The following FSHR variants were observed in gnomAD, a reference collection of about 807,000 sequenced individuals.
FSHR encodes the protein follicle-stimulating hormone receptor.
In FSHR, 46 loss-of-function variants were observed where a neutral mutation model predicts 52.1. The ratio of observed to expected loss-of-function variants is 0.88; its 90% CI spans 0.70 to 1.13. FSHR has a LOEUF of 1.13. Among genes scored for constraint, FSHR ranks in the 50% most tolerant of loss-of-function variants. The pLI is 0.00. For synonymous variants in FSHR, 399 were observed against 309.6 expected, an observed-to-expected ratio of 1.29 and a Z score of -3.03; for missense variants, 964 against 834.6, an observed-to-expected ratio of 1.16 and a Z score of -1.91.
intron 2 of FSHR, among the ~76,000 whole-genome samples, chr2:49,060,813 C>T (rs1261577655): frequency 1.3e-5 from 2 of 152,122 alleles, no homozygotes; most frequent in Non-Finnish European, 2.9e-5. Context: ...CATGTACCCA[C>T]TCCCCCCCGG....
intron 1 of FSHR, among the ~76,000 whole-genome samples, chr2:49,144,147 A>C (rs1009858206): frequency 3.2e-4 from 49 of 152,278 alleles, no homozygotes; most frequent in Middle Eastern, 3.4e-3. Context: ...GCTGGTAGTC[A>C]GGACTTCATC....
chr2:49,107,433 C>A (rs953734944), intron 1 of FSHR, among the ~76,000 whole-genome samples: 7 of 152,258 alleles, frequency 4.6e-5, no homozygotes, highest in African/African-American at 1.7e-4. Context: ...GCTGACCTGG[C>A]TGTTTCACTC....
intron 1 of FSHR, among the ~76,000 whole-genome samples, chr2:49,147,953 C>A (rs2103854623): frequency 6.6e-6 from 1 of 152,042 alleles, no homozygotes; most frequent in South Asian, 2.1e-4. Context: ...GCACTCAGGG[C>A]AATTTGCACA....
intron 2 of FSHR, among the ~76,000 whole-genome samples, chr2:49,059,364 C>A (rs866052075): frequency 6.6e-6 from 1 of 151,796 alleles, no homozygotes; most frequent in Non-Finnish European, 1.5e-5. Context: ...AACTACCAGA[C>A]TTCAAAATAT....
At chr2:49,133,515 T>A (rs946330048) in intron 1 of FSHR, among the ~76,000 whole-genome samples, 3 of 152,166 alleles carry the variant, frequency 2.0e-5, no homozygotes, top group Non-Finnish European at 4.4e-5. Flanking sequence ...ATAGATTCAA[T>A]GCCATCCCCA....
At chr2:48,990,522 G>C (rs372434976) in intron 5 of FSHR, 44 bp downstream of exon 5, 1 of 1,251,324 alleles carries the variant, frequency 8.0e-7, no homozygotes, top group African/African-American at 1.5e-5. Flanking sequence ...GGGCAAGACA[G>C]ATACTGAGTA....
chr2:49,068,226 C>G lies in FSHR; in HGVS notation c.217G>C (p.Glu73Gln), dbSNP rs773462398. The change falls in exon 2 of 10, where the codon GAG becomes CAG. Residue 73 changes from glutamate (E) to glutamine (Q), a missense_variant. Glu to Gln is a conservative substitution (Grantham distance 29). Transcript: ENST00000406846. ...GCAGTGCTAGGTACATACATTTTCTCCAGGTCCCCAAATCCTGAAAATGCA... is the reference window on the plus strand; with the variant it reads ...GCAGTGCTAGGTACATACATTTTCTGCAGGTCCCCAAATCCTGAAAATGCA... ...KGAFSGFGDLEKIEISQNDVL... is the reference protein window; with the variant it reads ...KGAFSGFGDLQKIEISQNDVL... 2 of 1,610,364 alleles carry G rather than the reference C, an allele frequency of 1.2e-6. No individual in the cohort carries two copies. The highest frequency in any genetic ancestry group is 1.7e-6 in the Non-Finnish European group (2 of 1,178,218).
chr2:49,140,881 T>G (rs1437561327), intron 1 of FSHR, among the ~76,000 whole-genome samples: 2 of 152,172 alleles, frequency 1.3e-5, no homozygotes, highest in Non-Finnish European at 2.9e-5. Context: ...GCATTTACAG[T>G]GATTCCTGAG....
At chr2:49,129,956 C>G (rs991996900) in intron 1 of FSHR, among the ~76,000 whole-genome samples, 3 of 152,034 alleles carry the variant, frequency 2.0e-5, no homozygotes, top group Admixed American at 6.6e-5. Flanking sequence ...TTTTCTATTT[C>G]TCAATTTCCT....
At chr2:48,997,784 C>T (rs989164942) in intron 4 of FSHR, among the ~76,000 whole-genome samples, 1 of 152,100 alleles carries the variant, frequency 6.6e-6, no homozygotes, top group African/African-American at 2.4e-5. Flanking sequence ...CTCCCTAGTT[C>T]TCTTGGGTGC....
intron 1 of FSHR, among the ~76,000 whole-genome samples, chr2:49,116,380 G>C (rs1308207628): frequency 2.0e-5 from 3 of 152,156 alleles, no homozygotes; most frequent in Admixed American, 6.6e-5. Flanking sequence ...TAGAGGCAAG[G>C]GGGTAAGGTG....
At chr2:49,100,486 G>T (rs987932964) in intron 1 of FSHR, among the ~76,000 whole-genome samples, 5 of 152,130 alleles carry the variant, frequency 3.3e-5, no homozygotes, top group Non-Finnish European at 5.9e-5. Flanking sequence ...CCTTGGAAAA[G>T]AATTTTCATT....
At chr2:49,082,897 T>A (rs573463040) in intron 1 of FSHR, among the ~76,000 whole-genome samples, 1 of 151,970 alleles carries the variant, frequency 6.6e-6, no homozygotes. Context: ...ACGGGGAGAA[T>A]GGAACCAAGT....
intron 4 of FSHR, among the ~76,000 whole-genome samples, chr2:49,010,717 G>T (rs1286241392): frequency 6.6e-6 from 1 of 151,998 alleles, no homozygotes; most frequent in Non-Finnish European, 1.5e-5. Flanking sequence ...CCTGTTATTG[G>T]TCTATTCAGA....
intron 1 of FSHR, among the ~76,000 whole-genome samples, chr2:49,092,482 C>T (rs1243109790): frequency 6.6e-6 from 1 of 152,170 alleles, no homozygotes; most frequent in Non-Finnish European, 1.5e-5. Flanking sequence ...GTGGTAAATG[C>T]TCTTTATCAA....
chr2:49,042,296 A>T (rs1668505461), intron 2 of FSHR, among the ~76,000 whole-genome samples: 1 of 152,166 alleles, frequency 6.6e-6, no homozygotes, highest in Non-Finnish European at 1.5e-5. Flanking sequence ...TGCCACCCCA[A>T]TCATTAAGGA....
chr2:48,977,296 T>C (rs1408250349), intron 8 of FSHR, among the ~76,000 whole-genome samples: 1 of 152,164 alleles, frequency 6.6e-6, no homozygotes, highest in East Asian at 1.9e-4. Flanking sequence ...AAGGGAACCA[T>C]GGGACGGGAT....
At chr2:49,037,795 G>A (rs72877846) in intron 2 of FSHR, among the ~76,000 whole-genome samples, 5,529 of 152,174 alleles carry the variant, frequency 0.036, 260 homozygotes, top group African/African-American at 0.11. Context: ...ATGGAGGATA[G>A]CATAAGAAAT....
chr2:49,117,526 T>G (rs527407305), intron 1 of FSHR, among the ~76,000 whole-genome samples: 1 of 152,222 alleles, frequency 6.6e-6, no homozygotes, highest in Admixed American at 6.5e-5. Context: ...CTCCTGTTTA[T>G]GCTGAGGAGC....
Sources: gnomAD v4.1 joint callset for allele counts (sites outside exome capture counted in the v4.1 genomes callset) on GRCh38, gnomAD v4.1.1 for gene constraint, MANE v1.5 for transcripts, NCBI Gene and HGNC (gene_info 2026-07-23, HGNC 2026-07-21) for gene names.